ATP6V0A1: variants seen among roughly 807,000 people sequenced by gnomAD.
ATP6V0A1 encodes the protein V-type proton ATPase 116 kDa subunit a 1.
Under a neutral mutation model 105.4 loss-of-function variants are expected in ATP6V0A1, and 43 were observed. The observed-to-expected ratio is 0.41, with a 90% CI of 0.32 to 0.53. The LOEUF is 0.53. ATP6V0A1 is among the 20% of genes least tolerant of loss of function. The probability of loss-of-function intolerance (pLI) is 0.30; values close to 1 mark genes in which losing one functional copy is unlikely to be tolerated. For synonymous variants in ATP6V0A1, 362 were observed against 372.8 expected (o/e 0.97, Z 0.33); for missense variants, 676 against 1,051.1 (o/e 0.64, Z 4.93).
intron 2 of ATP6V0A1, among the ~76,000 whole-genome samples, chr17:42,461,348 A>G (rs1473035168): frequency 1.3e-5 from 2 of 152,190 alleles, no homozygotes; most frequent in South Asian, 2.1e-4. Flanking sequence ...GTTTTTCCAT[A>G]TAGTAGGACA....
chr17:42,520,210 C>T (rs970738094), intron 21 of ATP6V0A1: 1 of 348,332 alleles, frequency 2.9e-6, no homozygotes, highest in Non-Finnish European at 5.7e-6. Context: ...TCTCCTTGGC[C>T]TTTTTATCCC....
At chr17:42,470,372 C>G in intron 5 of ATP6V0A1, 154 bp downstream of exon 5, 1 of 943,298 alleles carries the variant, frequency 1.1e-6, no homozygotes, top group East Asian at 2.9e-5. Context: ...AGATTATGTT[C>G]CATTTTTCAT....
At chr17:42,486,820 C>G (rs1319791801) in intron 9 of ATP6V0A1, among the ~76,000 whole-genome samples, 1 of 152,144 alleles carries the variant, frequency 6.6e-6, no homozygotes, top group East Asian at 1.9e-4. Flanking sequence ...GAGTTACATT[C>G]CCCACATAGA....
chr17:42,477,640 C>A lies in ATP6V0A1; in HGVS notation c.424-20C>A. The A allele has an allele frequency of 6.2e-7, 1 of 1,612,472 alleles. No homozygotes were observed. The highest frequency in any genetic ancestry group is 8.5e-7 in the Non-Finnish European group (1 of 1,179,154). ...ATATTAATTGATTTGTGAATTCAGG[C>A]TGAATTGCATCATCAGCAGATGGCG... is the stretch of plus-strand genomic sequence containing the variant. On this transcript the variant is annotated intron_variant, in intron 5 of 21. Transcript: ENST00000343619.
intron 19 of ATP6V0A1, among the ~76,000 whole-genome samples, chr17:42,512,118 T>C (rs1460779643): frequency 6.6e-6 from 1 of 152,122 alleles, no homozygotes; most frequent in Non-Finnish European, 1.5e-5. Flanking sequence ...CTGCAGCGAT[T>C]CATGGTTGGT....
chr17:42,520,742 C>A, intron 21 of ATP6V0A1: 1 of 440,134 alleles, frequency 2.3e-6, no homozygotes, highest in Non-Finnish European at 4.3e-6. Context: ...GGTAACTGAA[C>A]TTTTTTTGCA....
At chr17:42,483,666 C>T (rs965022673) in intron 9 of ATP6V0A1, among the ~76,000 whole-genome samples, 4 of 152,214 alleles carry the variant, frequency 2.6e-5, no homozygotes, top group African/African-American at 9.6e-5. Context: ...ACTGCAACCT[C>T]TGCCTCACAG....
At chr17:42,502,939 T>C (rs2146164944) in intron 17 of ATP6V0A1, 1 of 152,700 alleles carries the variant, frequency 6.5e-6, no homozygotes, top group South Asian at 2.1e-4. Flanking sequence ...GCAGAATTCT[T>C]TTTAATTAAA....
chr17:42,458,928 T>A lies in ATP6V0A1; in HGVS notation c.-83T>A, dbSNP rs547097350. ...GCGGAGGGTGCGGGTTTGGCTGCGG[T>A]GGTTTCTGTGGCGGTTGCTGTGGCG... On this transcript the variant is annotated 5_prime_UTR_variant, in exon 1 of 22. Coordinates refer to ENST00000343619, the MANE Select transcript of ATP6V0A1 (RefSeq NM_001130021.3). 1.3e-5 allele frequency: 2 copies of A among 153,042 alleles called. No homozygotes were observed. Among genetic ancestry groups the A allele is most frequent in the African/African-American group, 2.4e-5 (1 of 41,412 alleles). The allele number at this position is 153,042 out of a possible 1,614,324, so 9.5% of individuals were successfully genotyped here.
At chr17:42,463,718 A>G (rs533777882) in intron 2 of ATP6V0A1, among the ~76,000 whole-genome samples, 55 of 152,134 alleles carry the variant, frequency 3.6e-4, no homozygotes, top group Admixed American at 1.7e-3. Flanking sequence ...AGGGGTGCCA[A>G]TCTCCCCATG....
intron 1 of ATP6V0A1, chr17:42,460,411 AC>A (rs1367557720): frequency 6.4e-6 from 1 of 156,202 alleles, no homozygotes; most frequent in African/African-American, 2.4e-5. Flanking sequence ...AAGGATAGTT[AC>A]AAGGCAGACA....
At chr17:42,471,863 T>G (rs975853183) in intron 5 of ATP6V0A1, among the ~76,000 whole-genome samples, 1 of 152,076 alleles carries the variant, frequency 6.6e-6, no homozygotes, top group Admixed American at 6.5e-5. Context: ...AGCTTTCAAC[T>G]TGGATGTGGT....
intron 4 of ATP6V0A1, among the ~76,000 whole-genome samples, chr17:42,469,182 A>C (rs1329064491): frequency 6.6e-6 from 1 of 152,082 alleles, no homozygotes; most frequent in Non-Finnish European, 1.5e-5. Context: ...AATCTTGCAG[A>C]CTAAATGGGC....
At chr17:42,468,549 C>T (rs1188079330) in intron 4 of ATP6V0A1, among the ~76,000 whole-genome samples, 1 of 152,180 alleles carries the variant, frequency 6.6e-6, no homozygotes, top group Non-Finnish European at 1.5e-5. Context: ...CCCACACACC[C>T]TTCATAGCCT....
chr17:42,521,185 C>A lies in ATP6V0A1; in HGVS notation c.*65C>A, dbSNP rs747561277. On this transcript the variant is annotated 3_prime_UTR_variant, in exon 22 of 22. Transcript: ENST00000343619. The surrounding 1 kb of genome is among the most constrained non-coding windows in gnomAD (Gnocchi z 4.8). ...CCTCCCTCCACAGTGATCAGCTGTGCCTCTCTGCCTGTTGGTTGTGATCTG... is the reference window on the plus strand; with the variant it reads ...CCTCCCTCCACAGTGATCAGCTGTGACTCTCTGCCTGTTGGTTGTGATCTG... 39 of 1,370,098 alleles carry A rather than the reference C, an allele frequency of 2.8e-5. No individual in the cohort carries two copies. Among genetic ancestry groups the A allele is most frequent in the Non-Finnish European group, 3.8e-5 (38 of 999,828 alleles). The allele number at this position is 1,370,098 out of a possible 1,614,324, so 84.9% of individuals were successfully genotyped here. A position where few individuals can be genotyped will look rare whatever the true frequency, so the allele number is the denominator to read the frequency against.
In ATP6V0A1 at chr17:42,487,259, C is replaced by A; in HGVS notation, c.915C>A (p.His305Gln). Residue 305 changes from histidine (H) to glutamine (Q), a missense_variant, in exon 10 of 22, where the codon CAC becomes CAA. By Grantham distance (24) the His-to-Gln change is conservative. Coordinates refer to ENST00000343619, the MANE Select transcript of ATP6V0A1 (RefSeq NM_001130021.3). ...IKVRKMKAIY[H>Q]TLNLCNIDVT... ...TGCGGAAGATGAAGGCCATCTATCACACCCTGAACCTGTGCAACATAGATG... is the reference window on the plus strand; with the variant it reads ...TGCGGAAGATGAAGGCCATCTATCAAACCCTGAACCTGTGCAACATAGATG... 1 of 1,614,204 alleles carries A rather than the reference C, an allele frequency of 6.2e-7. No individual in the cohort carries two copies. Among genetic ancestry groups the A allele is most frequent in the South Asian group, 1.1e-5 (1 of 91,082 alleles).
chr17:42,476,368 T>C (rs1349571963), intron 5 of ATP6V0A1, among the ~76,000 whole-genome samples: 1 of 152,202 alleles, frequency 6.6e-6, no homozygotes, highest in East Asian at 1.9e-4. Flanking sequence ...TATCAAGTTA[T>C]GGTCCCTGTG....
chr17:42,476,557 G>T (rs2088776221), intron 5 of ATP6V0A1, among the ~76,000 whole-genome samples: 1 of 152,160 alleles, frequency 6.6e-6, no homozygotes, highest in African/African-American at 2.4e-5. Flanking sequence ...TTGGGGAGAT[G>T]AGGCAATGGA....
rs1555607758 is a variant in ATP6V0A1 at position 42,485,539 on chromosome 17, G to GTTTTGT, written c.811-1613_811-1612insTGTTTT. 3.2e-4 allele frequency among the ~76,000 whole-genome samples: 48 copies of GTTTTGT among 151,496 alleles called. 1 individual carries two copies. Among genetic ancestry groups the GTTTTGT allele is most frequent in the African/African-American group, 1.1e-3 (45 of 41,236 alleles). ...AAGAAGGGTTTTTTGTGTTTTGTTT[G>GTTTTGT]TTTGTTTTGTTTTGTTTTGTTTTGT... is the stretch of plus-strand genomic sequence containing the variant. On this transcript the variant is annotated intron_variant, in intron 9 of 21. Coordinates refer to ENST00000343619, the MANE Select transcript of ATP6V0A1 (RefSeq NM_001130021.3).
Sources: gnomAD v4.1 joint callset for allele counts (sites outside exome capture counted in the v4.1 genomes callset) on GRCh38, gnomAD v4.1.1 for gene constraint, Gnocchi (gnomAD v3.1) non-coding constraint, MANE v1.5 for transcripts, NCBI Gene and HGNC (gene_info 2026-07-23, HGNC 2026-07-21) for gene names.